ZSWIM4: variants seen among roughly 807,000 people sequenced by gnomAD.
The protein encoded by ZSWIM4 is zinc finger SWIM-type containing 4, also known as zinc finger SWIM domain-containing protein 4.
Under a neutral mutation model 102.5 loss-of-function variants are expected in ZSWIM4, and 62 were observed. The ratio of observed to expected loss-of-function variants is 0.60; its 90% CI spans 0.49 to 0.75. The LOEUF is 0.75. Among genes scored for constraint, ZSWIM4 ranks in the 30% least tolerant of loss-of-function variants. The probability of loss-of-function intolerance (pLI) is 0.00; values close to 1 mark genes in which losing one functional copy is unlikely to be tolerated. For missense variants in ZSWIM4, 1,280 were observed against 1,529.6 expected (o/e 0.84, Z 2.72); for synonymous variants, 652 against 674.5 (o/e 0.97, Z 0.52).
intron 3 of ZSWIM4, among the ~76,000 whole-genome samples, chr19:13,806,089 C>G (rs1158068032): frequency 2.7e-5 from 4 of 150,084 alleles, no homozygotes; most frequent in Non-Finnish European, 5.9e-5. Flanking sequence ...GTCACCCAAG[C>G]TGGAGTGCAG....
rs895641939 is a variant in ZSWIM4, at chr19:13,825,789, G to A, written c.2379+76G>A. 2.6e-6 allele frequency: 4 copies of A among 1,510,304 alleles called. No homozygotes were observed. The African/African-American group carries it at 4.1e-5, about 15-fold the overall frequency. The allele number at this position is 1,510,304 out of a possible 1,614,324, so 93.6% of individuals were successfully genotyped here. A position where few individuals can be genotyped will look rare whatever the true frequency, so the allele number is the denominator to read the frequency against. ...ACTGACTGTGAGCTGCGCCTCCCGG[G>A]GCATGGGCTGAGTGTGAGCCACTTC... On this transcript the variant is annotated intron_variant, in intron 12 of 13. Coordinates refer to ENST00000590508, the MANE Select transcript of ZSWIM4 (RefSeq NM_001367834.3). The surrounding 1 kb of genome is among the most constrained non-coding windows in gnomAD (Gnocchi z 4.6).
chr19:13,811,212 A>G (rs1975079379), intron 5 of ZSWIM4, among the ~76,000 whole-genome samples: 1 of 150,184 alleles, frequency 6.7e-6, no homozygotes, highest in Non-Finnish European at 1.5e-5. Flanking sequence ...CGCACCGGCC[A>G]ACATGTGTTT....
chr19:13,811,115 G>A (rs1246494567), intron 5 of ZSWIM4, among the ~76,000 whole-genome samples: 5 of 151,426 alleles, frequency 3.3e-5, no homozygotes, highest in East Asian at 3.9e-4. Context: ...GGGTTTCACC[G>A]TGTTAGCCAG....
At chr19:13,821,934 C>T (rs1028686708) in intron 10 of ZSWIM4, among the ~76,000 whole-genome samples, 3 of 152,060 alleles carry the variant, frequency 2.0e-5, no homozygotes, top group African/African-American at 7.2e-5. Context: ...GACAGGTTTT[C>T]ACCATGTCAG....
In ZSWIM4 at chr19:13,830,337, G is replaced by T; in HGVS notation, c.2608G>T (p.Ala870Ser). 6.2e-7 allele frequency: 1 copy of T among 1,613,370 alleles called. No homozygotes were observed. Among genetic ancestry groups the T allele is most frequent in the Non-Finnish European group, 8.5e-7 (1 of 1,180,014 alleles). ...CACATCGCGGAGGGAGGAGCTCTGG[G>T]CCTGCGCCCGCACCCTGGCCTTGCA... ...LDTSRREELWACARTLALQCA... is the reference protein window; with the variant it reads ...LDTSRREELWSCARTLALQCA... Residue 870 changes from alanine to serine, a missense_variant, in exon 14 of 14, where the codon GCC becomes TCC. Ala to Ser is a moderately conservative substitution (Grantham distance 99, BLOSUM62 1). Transcript: ENST00000590508.
In ZSWIM4 at chr19:13,812,429, G is replaced by A. The variant is rs777179497; in HGVS notation, c.1013-568G>A. ...GTGCCTCAGCCTCCCAAGTAGCTAG[G>A]ACTACAGAGGCCCGGGATGTAATCC... On this transcript the variant is annotated intron_variant, in intron 5 of 13. Transcript: ENST00000590508. 5.9e-4 allele frequency among the ~76,000 whole-genome samples: 89 copies of A among 151,326 alleles called. No homozygotes were observed. In the Middle Eastern group the frequency reaches 0.01, roughly 17 times the overall value.
rs894527010 is a variant in ZSWIM4 at position 13,819,217 on chromosome 19, TACCC to T, written c.1925-139_1925-136del. ...TGCCTCAGTCTCAGACCTGAACCCC[TACCC>T]CAGAGACCCATCTAGCCACAGCCAC... is the stretch of plus-strand genomic sequence containing the variant. On this transcript the variant is annotated intron_variant, in intron 9 of 13. Coordinates refer to ENST00000590508, the MANE Select transcript of ZSWIM4 (RefSeq NM_001367834.3). 3.4e-6 allele frequency: 4 copies of T among 1,187,370 alleles called. No homozygotes were observed. The Admixed American group carries it at 1.1e-4, about 33-fold the overall frequency. The allele number at this position is 1,187,370 out of a possible 1,614,324, so 73.6% of individuals were successfully genotyped here. A position where few individuals can be genotyped will look rare whatever the true frequency, so the allele number is the denominator to read the frequency against.
At chr19:13,818,111 C>A in intron 9 of ZSWIM4, 135 bp downstream of exon 9, 2 of 1,349,622 alleles carry the variant, frequency 1.5e-6, no homozygotes, top group Non-Finnish European at 9.6e-7. Context: ...GTGATACTGT[C>A]CCCTCATACC....
Position 13,817,808 on chromosome 19 carries a change from G to T in ZSWIM4, c.1756G>T (p.Glu586Ter). The stretch of plus-strand genomic sequence containing the variant: ...GGAGTCCTACTTGGTGCTGGCGCTG[G>T]AGGTGGCACTGCTGGGGCTGGGGCA... ...PGESYLVLAL[E>*]VALLGLGQQR... is the part of the protein sequence containing the mutation. The change falls in exon 9 of 14, where the codon GAG becomes TAG. Residue 586 changes from glutamate to a stop codon, truncating the protein, a stop_gained. Coordinates refer to ENST00000590508, the MANE Select transcript of ZSWIM4 (RefSeq NM_001367834.3). LOFTEE classifies it high-confidence loss of function. The T allele has an allele frequency of 6.3e-7, 1 of 1,586,246 alleles. No homozygotes were observed. The highest frequency in any genetic ancestry group is 8.6e-7 in the Non-Finnish European group (1 of 1,167,570).
At chr19:13,807,419 G>A (rs1016680194) in intron 3 of ZSWIM4, among the ~76,000 whole-genome samples, 10 of 152,116 alleles carry the variant, frequency 6.6e-5, no homozygotes, top group Non-Finnish European at 8.8e-5. Context: ...CAGATGGGTC[G>A]GTGGTGTTTT....
Position 13,831,137 on chromosome 19 carries a change from A to G in ZSWIM4, c.*87A>G, listed in dbSNP as rs1423574645. On this transcript the variant is annotated 3_prime_UTR_variant, in exon 14 of 14. Coordinates refer to ENST00000590508, the MANE Select transcript of ZSWIM4 (RefSeq NM_001367834.3). Reference sequence around the variant, plus strand: ...TCCAATTAGGCCCACGTGGCATTTCAGTATTATTAAGTCAGGGAAGGAGCC... The same window carrying G: ...TCCAATTAGGCCCACGTGGCATTTCGGTATTATTAAGTCAGGGAAGGAGCC... The G allele has an allele frequency of 6.7e-7, 1 of 1,482,002 alleles. No individual in the cohort carries two copies. Among genetic ancestry groups the G allele is most frequent in the African/African-American group, 1.4e-5 (1 of 71,260 alleles). The allele number at this position is 1,482,002 out of a possible 1,614,324, so 91.8% of individuals were successfully genotyped here. A position where few individuals can be genotyped will look rare whatever the true frequency, so the allele number is the denominator to read the frequency against.
In ZSWIM4 at chr19:13,809,253, C is replaced by A; in HGVS notation, c.1012+33C>A. 6.4e-7 allele frequency: 1 copy of A among 1,564,208 alleles called. No individual in the cohort carries two copies. Among genetic ancestry groups the A allele is most frequent in the South Asian group, 1.1e-5 (1 of 87,228 alleles). On this transcript the variant is annotated intron_variant, in intron 5 of 13. Coordinates refer to ENST00000590508, the MANE Select transcript of ZSWIM4 (RefSeq NM_001367834.3). The surrounding 1 kb of genome is among the most constrained non-coding windows in gnomAD (Gnocchi z 4.2). ...CCAAACCCCGGTGCGTGGTGGACAC[C>A]GGGACTTCGGCTCCCATGGGGGCTG...
At chr19:13,796,313 C>G (rs1974611623) in intron 1 of ZSWIM4, among the ~76,000 whole-genome samples, 1 of 152,090 alleles carries the variant, frequency 6.6e-6, no homozygotes, top group African/African-American at 2.4e-5. Context: ...TTGGGGACAC[C>G]CTGTCTCCCT....
At chr19:13,806,133 C>T (rs957465822) in intron 3 of ZSWIM4, among the ~76,000 whole-genome samples, 1 of 151,148 alleles carries the variant, frequency 6.6e-6, no homozygotes, top group Admixed American at 6.6e-5. Context: ...ACCTCTGCCT[C>T]CTGGGTTCAA....
At position 13,809,085 on chromosome 19, in the gene ZSWIM4, C is replaced by T. The variant is rs142098147; in HGVS notation, c.877C>T (p.Arg293Ter). 1 of 1,612,820 alleles carries T rather than the reference C, an allele frequency of 6.2e-7. No homozygotes were observed. The highest frequency in any genetic ancestry group is 8.5e-7 in the Non-Finnish European group (1 of 1,179,282). The change falls in exon 5 of 14, where the codon CGA becomes TGA. Residue 293 changes from arginine to a stop codon, truncating the protein, a stop_gained. Transcript: ENST00000590508. LOFTEE classifies it high-confidence loss of function. The surrounding 1 kb of genome is among the most constrained non-coding windows in gnomAD (Gnocchi z 4.2). Reference protein sequence around the residue: ...SMFSKVREMLRMRDSNGARML... With the variant: ...SMFSKVREML Reference sequence around the variant, plus strand: ...CCCGGCACAGGTGCGGGAGATGCTGCGAATGCGGGACTCCAACGGGGCGCG... The same window carrying T: ...CCCGGCACAGGTGCGGGAGATGCTGTGAATGCGGGACTCCAACGGGGCGCG...
At chr19:13,829,317 G>A (rs558316805) in intron 13 of ZSWIM4, among the ~76,000 whole-genome samples, 8 of 151,978 alleles carry the variant, frequency 5.3e-5, no homozygotes, top group Middle Eastern at 3.4e-3. Context: ...AGGGCCAGGC[G>A]CAGTGGCTCA....
intron 2 of ZSWIM4, among the ~76,000 whole-genome samples, chr19:13,804,023 G>A (rs532762406): frequency 3.3e-5 from 5 of 149,370 alleles, no homozygotes; most frequent in South Asian, 2.2e-4. Context: ...CACCATGCCC[G>A]GCTAATTTTT....
chr19:13,825,753 T>C lies in ZSWIM4; in HGVS notation c.2379+40T>C, dbSNP rs1374712024. ...GTGGATGCGGGAGGGCGATGGTGGC[T>C]CGGGGCCAGGACTGACTGTGAGCTG... On this transcript the variant is annotated intron_variant, in intron 12 of 13. Coordinates refer to ENST00000590508, the MANE Select transcript of ZSWIM4 (RefSeq NM_001367834.3). This position sits in a 1 kb window ranked among gnomAD's most constrained non-coding sequence, Gnocchi z 4.6. The C allele has an allele frequency of 6.3e-7, 1 of 1,582,792 alleles. No homozygotes were observed.
In ZSWIM4 at chr19:13,812,983, C is replaced by T. The variant is rs377444693; in HGVS notation, c.1013-14C>T. On this transcript the variant is annotated splice_polypyrimidine_tract_variant and intron_variant, in intron 5 of 13. Coordinates refer to ENST00000590508, the MANE Select transcript of ZSWIM4 (RefSeq NM_001367834.3). ...TGTTGGCAGGAATATTGAGCCTGCC[C>T]CGTGCCTCCTCAGGGGCCCTGTGGG... 3 of 1,592,998 alleles carry T rather than the reference C, an allele frequency of 1.9e-6. No individual in the cohort carries two copies. The highest frequency in any genetic ancestry group is 1.1e-5 in the South Asian group (1 of 89,700).
Sources: allele counts gnomAD v4.1 joint callset (sites outside exome capture counted in the v4.1 genomes callset), GRCh38; gene constraint gnomAD v4.1.1; non-coding constraint Gnocchi (gnomAD v3.1); transcripts MANE v1.5; gene names NCBI Gene and HGNC (gene_info 2026-07-23, HGNC 2026-07-21).